STAG1: variants seen among roughly 807,000 people sequenced by gnomAD.
The protein encoded by STAG1 is cohesin subunit SA-1.
A neutral mutation model predicts 170.9 loss-of-function variants in STAG1; 26 were observed. The observed-to-expected ratio is 0.15, with a 90% CI of 0.11 to 0.21. STAG1 has a LOEUF of 0.21. Ranked by LOEUF, STAG1 falls within the 10% of genes least tolerant of loss-of-function variation. The pLI is 1.00. For missense variants in STAG1, 964 were observed against 1,509.5 expected (o/e 0.64, Z 5.99); for synonymous variants, 514 against 497.7 (o/e 1.03, Z -0.44).
intron 21 of STAG1, among the ~76,000 whole-genome samples, chr3:136,407,896 C>CA (rs547848988): frequency 0.014 from 1,055 of 77,108 alleles, 13 homozygotes; most frequent in East Asian, 0.078. Flanking sequence ...ACTCTGTCTC[C>CA]AAAAAAAAAA....
At chr3:136,513,068 G>T (rs1292832636) in intron 7 of STAG1, among the ~76,000 whole-genome samples, 2 of 152,116 alleles carry the variant, frequency 1.3e-5, no homozygotes, top group South Asian at 4.1e-4. Flanking sequence ...GACTTGGGCC[G>T]GGTGTAGTGG....
chr3:136,376,852 G>A lies in STAG1; in HGVS notation c.2370+808C>T, dbSNP rs1032674203. 4.0e-5 allele frequency among the ~76,000 whole-genome samples: 6 copies of A among 151,744 alleles called. No individual in the cohort carries two copies. The South Asian group carries it at 6.3e-4, about 16-fold the overall frequency. The stretch of plus-strand genomic sequence containing the variant: ...TCTGCCCAGGCTGGAGTGCAATGGC[G>A]CGATCTTGGCTCACTGCAACCTCTG... On this transcript the variant is annotated intron_variant, in intron 23 of 33. Transcript: ENST00000383202.
chr3:136,346,272 G>A (rs1936217591), intron 29 of STAG1, among the ~76,000 whole-genome samples: 1 of 152,156 alleles, frequency 6.6e-6, no homozygotes, highest in Non-Finnish European at 1.5e-5. Context: ...GAAGGCGCTT[G>A]GTAGAAACTC....
chr3:136,705,809 G>T (rs1490933561), intron 1 of STAG1, among the ~76,000 whole-genome samples: 1 of 152,116 alleles, frequency 6.6e-6, no homozygotes, highest in Admixed American at 6.6e-5. Flanking sequence ...TTTATTAGCA[G>T]TGTGAGAATG....
intron 31 of STAG1, among the ~76,000 whole-genome samples, chr3:136,340,934 C>T (rs527883995): frequency 2.0e-5 from 3 of 152,134 alleles, no homozygotes; most frequent in East Asian, 3.9e-4. Flanking sequence ...TTTGAGACGG[C>T]GTCTTGCTCT....
chr3:136,354,469 T>G (rs1209305288), intron 28 of STAG1, among the ~76,000 whole-genome samples: 2 of 151,936 alleles, frequency 1.3e-5, no homozygotes. Flanking sequence ...GCCCGGCTAA[T>G]TTTTGTATTG....
chr3:136,690,988 CTT>C (rs1942702822), intron 1 of STAG1, among the ~76,000 whole-genome samples: 1 of 151,440 alleles, frequency 6.6e-6, no homozygotes, highest in Non-Finnish European at 1.5e-5. Flanking sequence ...CATGCATTTT[CTT>C]TCTTTTCACA....
At chr3:136,659,896 T>G (rs2107864024) in intron 1 of STAG1, among the ~76,000 whole-genome samples, 1 of 152,302 alleles carries the variant, frequency 6.6e-6, no homozygotes, top group East Asian at 1.9e-4. Flanking sequence ...AATTTTTTTT[T>G]GGCTGGGCAT....
Position 136,359,307 on chromosome 3 carries a change from GA to G in STAG1, c.2788-12del. The G allele has an allele frequency of 6.5e-7, 1 of 1,536,618 alleles. No homozygotes were observed. The highest frequency in any genetic ancestry group is 2.1e-5 in the Admixed American group (1 of 47,016). On this transcript the variant is annotated splice_polypyrimidine_tract_variant and intron_variant, in intron 26 of 33. Coordinates refer to ENST00000383202, the MANE Select transcript of STAG1 (RefSeq NM_005862.3). ...AAGTTCATTAAATAACTGATAGAAA[GA>G]AAAAAAGAAGAAAAAACCTATAGCT...
Position 136,337,242 on chromosome 3 carries a change from T to TAAAC in STAG1, c.*1008_*1011dup, listed in dbSNP as rs915955282. On this transcript the variant is annotated 3_prime_UTR_variant, in exon 34 of 34. Coordinates refer to ENST00000383202, the MANE Select transcript of STAG1 (RefSeq NM_005862.3). ...ATAAGGGTATTAAGTGCATGGGAAG[T>TAAAC]AAACACAGTTATGTTACACTTAAAA... The TAAAC allele has an allele frequency of 2.8e-4, 43 of 152,654 alleles. No individual in the cohort carries two copies. Among genetic ancestry groups the TAAAC allele is most frequent in the African/African-American group, 9.2e-4 (38 of 41,466 alleles). 9.5% of individuals were successfully genotyped at this position (152,654 alleles called of 1,614,324 possible).
chr3:136,705,446 T>C (rs1943203745), intron 1 of STAG1, among the ~76,000 whole-genome samples: 1 of 151,124 alleles, frequency 6.6e-6, no homozygotes, highest in East Asian at 2.0e-4. Flanking sequence ...ACGTATGATA[T>C]TGTTTTGCTG....
At chr3:136,386,019 T>G (rs1463682127) in intron 22 of STAG1, among the ~76,000 whole-genome samples, 1 of 152,160 alleles carries the variant, frequency 6.6e-6, no homozygotes, top group Non-Finnish European at 1.5e-5. Flanking sequence ...GAAACCTCTT[T>G]CAACAAATTA....
intron 21 of STAG1, among the ~76,000 whole-genome samples, chr3:136,400,521 G>A (rs564897589): frequency 1.3e-4 from 20 of 150,816 alleles, no homozygotes; most frequent in African/African-American, 4.9e-4. Flanking sequence ...ACGCCCGGCC[G>A]CAACATAAAT....
At chr3:136,506,740 G>A (rs200173101) in intron 7 of STAG1, among the ~76,000 whole-genome samples, 3 of 151,992 alleles carry the variant, frequency 2.0e-5, no homozygotes, top group Non-Finnish European at 4.4e-5. Context: ...AATGGAAAGG[G>A]CAAAGATAAT....
intron 6 of STAG1, among the ~76,000 whole-genome samples, chr3:136,534,720 G>A (rs1430986537): frequency 6.6e-6 from 1 of 152,132 alleles, no homozygotes; most frequent in Non-Finnish European, 1.5e-5. Context: ...CAGTTGGAAT[G>A]GCTATTATTA....
At chr3:136,701,326 AT>A (rs991148707) in intron 1 of STAG1, among the ~76,000 whole-genome samples, 1 of 152,114 alleles carries the variant, frequency 6.6e-6, no homozygotes, top group African/African-American at 2.4e-5. Context: ...TAAAAACTGA[AT>A]TTTATCCTTG....
intron 6 of STAG1, among the ~76,000 whole-genome samples, chr3:136,541,017 T>C (rs1935877753): frequency 1.3e-5 from 2 of 152,044 alleles, no homozygotes; most frequent in African/African-American, 4.8e-5. Context: ...AATTCTTGGC[T>C]TTCTGTTAAT....
intron 3 of STAG1, chr3:136,609,026 G>C (rs1365139672): frequency 2.0e-5 from 3 of 152,200 alleles, no homozygotes; most frequent in African/African-American, 7.2e-5. Flanking sequence ...CTAGCACCCA[G>C]TATGTACTCT....
At chr3:136,548,118 TG>T (rs1163287616) in intron 5 of STAG1, among the ~76,000 whole-genome samples, 4 of 151,366 alleles carry the variant, frequency 2.6e-5, no homozygotes, top group African/African-American at 4.9e-5. Flanking sequence ...TGTTTTGTTT[TG>T]TTTTTTTTTT....
Sources: gnomAD v4.1 joint callset for allele counts (sites outside exome capture counted in the v4.1 genomes callset) on GRCh38, gnomAD v4.1.1 for gene constraint, MANE v1.5 for transcripts, NCBI Gene and HGNC (gene_info 2026-07-23, HGNC 2026-07-21) for gene names.